AFDN: variants seen among roughly 807,000 people sequenced by gnomAD.
The protein encoded by AFDN is afadin.
In AFDN, 68 loss-of-function variants were observed where a neutral mutation model predicts 216.6. The ratio of observed to expected loss-of-function variants is 0.31; its 90% CI spans 0.26 to 0.38. The LOEUF (loss-of-function observed/expected upper bound fraction) is 0.38. Among genes scored for constraint, AFDN ranks in the 10% least tolerant of loss-of-function variants. AFDN has a pLI of 1.00. For missense variants in AFDN, 2,136 were observed against 2,342.0 expected (o/e 0.91, Z 1.82); for synonymous variants, 868 against 853.7 (o/e 1.02, Z -0.29).
intron 1 of AFDN, among the ~76,000 whole-genome samples, chr6:167,828,611 G>A (rs192077307): frequency 6.6e-6 from 1 of 152,254 alleles, no homozygotes; most frequent in Admixed American, 6.5e-5. Flanking sequence ...TTAAGTGTTC[G>A]TTCATAGACT....
intron 30 of AFDN, chr6:167,954,458 C>T: frequency 6.3e-7 from 1 of 1,597,760 alleles, no homozygotes. Flanking sequence ...TTACCTGCAG[C>T]AGACTGCTAT....
intron 21 of AFDN, among the ~76,000 whole-genome samples, chr6:167,921,908 CA>C (rs1421510979): frequency 6.6e-6 from 1 of 152,070 alleles, no homozygotes; most frequent in Non-Finnish European, 1.5e-5. Flanking sequence ...TAATTGTCCA[CA>C]AATAACGGTC....
intron 23 of AFDN, among the ~76,000 whole-genome samples, chr6:167,936,479 A>G (rs777453686): frequency 5.9e-5 from 9 of 152,358 alleles, no homozygotes; most frequent in South Asian, 2.1e-4. Flanking sequence ...TTCAGCCTTA[A>G]TAGACTACAT....
chr6:167,925,121 C>G (rs774299960), intron 23 of AFDN, 30 bp downstream of exon 23: 13 of 1,489,612 alleles, frequency 8.7e-6, no homozygotes, highest in Admixed American at 1.7e-5. Context: ...GCGAGTTGTT[C>G]TCTCCAGTCT....
At chr6:167,922,770 A>G in intron 21 of AFDN, 86 bp from the exon 22 acceptor site, 1 of 832,638 alleles carries the variant, frequency 1.2e-6, no homozygotes, top group South Asian at 1.5e-5. Context: ...CGTGTGTTGG[A>G]TATTAAGCAA....
At chr6:167,845,041 G>A (rs1022543981) in intron 1 of AFDN, among the ~76,000 whole-genome samples, 2 of 151,790 alleles carry the variant, frequency 1.3e-5, no homozygotes, top group African/African-American at 4.8e-5. Flanking sequence ...TAAGAAATTT[G>A]TATAAAGATG....
At chr6:167,967,643 C>G (rs1459429402) in intron 32 of AFDN, among the ~76,000 whole-genome samples, 1 of 152,168 alleles carries the variant, frequency 6.6e-6, no homozygotes, top group African/African-American at 2.4e-5. Flanking sequence ...TACTCACCAT[C>G]TTGGCTCTCA....
At chr6:167,934,043 T>TTC (rs2128570853) in intron 23 of AFDN, among the ~76,000 whole-genome samples, 1 of 152,360 alleles carries the variant, frequency 6.6e-6, no homozygotes, top group South Asian at 2.1e-4. Flanking sequence ...GAAAATCTGC[T>TTC]GAGTCGCACA....
intron 1 of AFDN, among the ~76,000 whole-genome samples, chr6:167,860,465 A>T (rs1783433590): frequency 6.6e-6 from 1 of 152,146 alleles, no homozygotes; most frequent in South Asian, 2.1e-4. Context: ...GTCCCAGAAA[A>T]GCTATATTCT....
At chr6:167,833,206 T>C (rs1015776347) in intron 1 of AFDN, among the ~76,000 whole-genome samples, 9 of 152,220 alleles carry the variant, frequency 5.9e-5, no homozygotes, top group Non-Finnish European at 1.3e-4. Flanking sequence ...AAAGTACATA[T>C]TGCAGTTGAG....
intron 4 of AFDN, among the ~76,000 whole-genome samples, chr6:167,875,114 T>A (rs1469635921): frequency 6.6e-6 from 1 of 152,200 alleles, no homozygotes; most frequent in Non-Finnish European, 1.5e-5. Flanking sequence ...AAACTTTTAA[T>A]GATAGATGTC....
intron 20 of AFDN, among the ~76,000 whole-genome samples, chr6:167,917,717 A>G (rs1791270339): frequency 6.6e-6 from 1 of 152,256 alleles, no homozygotes; most frequent in South Asian, 2.1e-4. Context: ...TGTAGACTTA[A>G]ATATGAGTCA....
intron 30 of AFDN, among the ~76,000 whole-genome samples, chr6:167,953,120 A>AT (rs950190288): frequency 6.3e-4 from 96 of 151,544 alleles, no homozygotes; most frequent in African/African-American, 1.9e-3. Flanking sequence ...AGTTTTAGTG[A>AT]TTTTTTTTTC....
At chr6:167,925,327 G>T (rs1373443581) in intron 23 of AFDN, among the ~76,000 whole-genome samples, 1 of 152,194 alleles carries the variant, frequency 6.6e-6, no homozygotes, top group Non-Finnish European at 1.5e-5. Flanking sequence ...GATACTTTGA[G>T]ATTGAGCAGA....
At chr6:167,869,890 A>T (rs1003302233) in intron 2 of AFDN, among the ~76,000 whole-genome samples, 11 of 152,246 alleles carry the variant, frequency 7.2e-5, no homozygotes, top group Admixed American at 6.5e-4. Flanking sequence ...GATCAGATGC[A>T]CAGAGACAGG....
At chr6:167,875,272 A>G (rs1269425058) in intron 4 of AFDN, 63 bp from the exon 5 acceptor site, 18 of 1,505,430 alleles carry the variant, frequency 1.2e-5, no homozygotes, top group Non-Finnish European at 1.4e-5. Context: ...TGCGGTTGCA[A>G]TGTGTCTATT....
At chr6:167,939,794 G>A (rs1294430901) in intron 23 of AFDN, among the ~76,000 whole-genome samples, 1 of 152,164 alleles carries the variant, frequency 6.6e-6, no homozygotes, top group African/African-American at 2.4e-5. Flanking sequence ...AGGGTGCTGT[G>A]TCTTAGAAGT....
chr6:167,832,063 T>G (rs564241300), intron 1 of AFDN, among the ~76,000 whole-genome samples: 5 of 152,368 alleles, frequency 3.3e-5, no homozygotes, highest in Admixed American at 3.3e-4. Flanking sequence ...GTTCAAATGT[T>G]TGCTATTTCT....
At chr6:167,904,627 C>T (rs1032334213) in intron 12 of AFDN, among the ~76,000 whole-genome samples, 1 of 152,184 alleles carries the variant, frequency 6.6e-6, no homozygotes, top group Non-Finnish European at 1.5e-5. Flanking sequence ...TTTCCCTGAT[C>T]CTTCCCCACC....
Sources: allele counts gnomAD v4.1 joint callset (sites outside exome capture counted in the v4.1 genomes callset), GRCh38; gene constraint gnomAD v4.1.1; transcripts MANE v1.5; gene names NCBI Gene and HGNC (gene_info 2026-07-23, HGNC 2026-07-21).